ATRNL1: variants seen among roughly 807,000 people sequenced by gnomAD.
ATRNL1 encodes attractin-like protein 1.
Under a neutral mutation model 182.7 loss-of-function variants are expected in ATRNL1, and 95 were observed. That is an observed-to-expected ratio of 0.52 (90% CI 0.44 to 0.62). The LOEUF (loss-of-function observed/expected upper bound fraction) is 0.62, where lower values mean the gene tolerates loss of function less well. Ranked by LOEUF, ATRNL1 falls within the 20% of genes least tolerant of loss-of-function variation. The pLI is 0.00. For synonymous variants in ATRNL1, 576 were observed against 568.3 expected (o/e 1.01, Z -0.19); for missense variants, 1,471 against 1,679.5 (o/e 0.88, Z 2.17).
Position 115,103,281 on chromosome 10 carries a change from C to T in ATRNL1, c.293+9238C>T, listed in dbSNP as rs192308554. 1.6e-3 allele frequency among the ~76,000 whole-genome samples: 237 copies of T among 152,130 alleles called. 2 individuals carry two copies. Among genetic ancestry groups the T allele is most frequent in the African/African-American group, 5.4e-3 (225 of 41,522 alleles). On this transcript the variant is annotated intron_variant, in intron 1 of 28. Transcript: ENST00000355044. Reference sequence around the variant, plus strand: ...CTCGAACTTCTGACCTCAGGCAATCCGCCTGCCTCAGCCTCCCAAAGTGCT... The same window carrying T: ...CTCGAACTTCTGACCTCAGGCAATCTGCCTGCCTCAGCCTCCCAAAGTGCT...
At chr10:115,714,401 G>T (rs1010412156) in intron 26 of ATRNL1, among the ~76,000 whole-genome samples, 2 of 151,742 alleles carry the variant, frequency 1.3e-5, no homozygotes, top group South Asian at 2.1e-4. Flanking sequence ...TGACTCCCAG[G>T]TACCACCCTA....
Position 115,160,296 on chromosome 10 carries a change from A to G in ATRNL1, c.1004+82A>G. On this transcript the variant is annotated intron_variant, in intron 6 of 28. Coordinates refer to ENST00000355044, the MANE Select transcript of ATRNL1 (RefSeq NM_207303.4). ...GTCTTTTTTTTTTAATTGTTGTCCG[A>G]GAGTAAAAGTGGTTATTTTTGTGGT... The G allele has an allele frequency of 3.0e-6, 4 of 1,339,718 alleles. No individual in the cohort carries two copies. The South Asian group carries it at 5.6e-5, about 19-fold the overall frequency. The allele number at this position is 1,339,718 out of a possible 1,614,324, so 83.0% of individuals were successfully genotyped here. A position where few individuals can be genotyped will look rare whatever the true frequency, so the allele number is the denominator to read the frequency against.
intron 27 of ATRNL1, among the ~76,000 whole-genome samples, chr10:115,777,982 T>C (rs1464856515): frequency 1.3e-5 from 2 of 151,730 alleles, no homozygotes; most frequent in Non-Finnish European, 2.9e-5. Context: ...AAGAAACTTA[T>C]TGCGAACTTG....
intron 24 of ATRNL1, among the ~76,000 whole-genome samples, chr10:115,502,825 T>A (rs1419804602): frequency 1.3e-5 from 2 of 152,130 alleles, no homozygotes; most frequent in African/African-American, 4.8e-5. Context: ...CAAATCACCA[T>A]GGCACGTGTA....
Position 115,840,557 on chromosome 10 carries a change from C to T in ATRNL1, c.3904-7320C>T, listed in dbSNP as rs147540816. Among the ~76,000 whole-genome samples, 788 of 152,150 alleles carry T rather than the reference C, an allele frequency of 5.2e-3. 1 individual carries two copies. Among genetic ancestry groups the T allele is most frequent in the Non-Finnish European group, 8.1e-3 (554 of 67,992 alleles). ...TACTTTACAGATGAAGAACTTGAGG[C>T]ACAGGGAGGTTAAGTGCTTTAACCA... On this transcript the variant is annotated intron_variant, in intron 27 of 28. Coordinates refer to ENST00000355044, the MANE Select transcript of ATRNL1 (RefSeq NM_207303.4).
At chr10:115,183,732 T>C (rs1428161965) in intron 8 of ATRNL1, among the ~76,000 whole-genome samples, 1 of 151,436 alleles carries the variant, frequency 6.6e-6, no homozygotes, top group East Asian at 1.9e-4. Context: ...AGCAAAATCT[T>C]AATAGCTGGA....
rs1430065200 is a variant in ATRNL1 at position 115,315,550 on chromosome 10, C to G, written c.2851C>G (p.Gln951Glu). ...TTGTTCTGGATTGAGAACCTGTGGACAGTGTTTGGAACAGCCTGGATGTGG... is the reference window on the plus strand; with the variant it reads ...TTGTTCTGGATTGAGAACCTGTGGAGAGTGTTTGGAACAGCCTGGATGTGG... ...QNCSGLRTCGQCLEQPGCGWC... is the reference protein window; with the variant it reads ...QNCSGLRTCGECLEQPGCGWC... Residue 951 changes from glutamine (Q) to glutamate (E), a missense_variant, in exon 18 of 29, where the codon CAG becomes GAG. Around this residue, in one of 3 missense-constraint regions of ATRNL1, gnomAD observed 3 missense variants for 17.5 expected, o/e 0.17. Coordinates refer to ENST00000355044, the MANE Select transcript of ATRNL1 (RefSeq NM_207303.4). The G allele has an allele frequency of 6.2e-7, 1 of 1,613,278 alleles. No individual in the cohort carries two copies. The highest frequency in any genetic ancestry group is 1.3e-5 in the African/African-American group (1 of 74,834).
At position 115,815,439 on chromosome 10, in the gene ATRNL1, G is replaced by GTGTA. The variant is rs1229005064; in HGVS notation, c.3904-32435_3904-32434insATGT. 3.3e-5 allele frequency among the ~76,000 whole-genome samples: 5 copies of GTGTA among 151,258 alleles called. No individual in the cohort carries two copies. In the East Asian group the frequency reaches 9.8e-4, roughly 29 times the overall value. On this transcript the variant is annotated intron_variant, in intron 27 of 28. Transcript: ENST00000355044. ...TATGTGTGTGTGTGTGTGTGTGTGT[G>GTGTA]TGTGTGTGTGTGTATTGTAATATAG...
At chr10:115,745,982 T>G (rs1430553369) in intron 27 of ATRNL1, among the ~76,000 whole-genome samples, 2 of 152,122 alleles carry the variant, frequency 1.3e-5, no homozygotes, top group African/African-American at 4.8e-5. Flanking sequence ...GTTGTATATT[T>G]CCAGTTCTTA....
At chr10:115,098,453 C>CTTTTT (rs71010006) in intron 1 of ATRNL1, among the ~76,000 whole-genome samples, 1 of 80,752 alleles carries the variant, frequency 1.2e-5, no homozygotes, top group African/African-American at 6.2e-5. Context: ...ATACTAGTTT[C>CTTTTT]TTTTTTTTTT....
At chr10:115,823,319 A>T (rs144068186) in intron 27 of ATRNL1, among the ~76,000 whole-genome samples, 2,471 of 152,192 alleles carry the variant, frequency 0.016, 82 homozygotes, top group African/African-American at 0.057. Flanking sequence ...ACAGCCAATA[A>T]CATACTGAAT....
intron 3 of ATRNL1, among the ~76,000 whole-genome samples, chr10:115,127,272 A>G (rs1385092887): frequency 6.6e-6 from 1 of 152,162 alleles, no homozygotes; most frequent in Non-Finnish European, 1.5e-5. Context: ...ATATGAATTA[A>G]GTGGAAGACT....
At position 115,615,401 on chromosome 10, in the gene ATRNL1, CT is replaced by C. The variant is rs57644665; in HGVS notation, c.3795+65874del. 6.6e-5 allele frequency among the ~76,000 whole-genome samples: 10 copies of C among 151,488 alleles called. 1 individual carries two copies. Among genetic ancestry groups the C allele is most frequent in the African/African-American group, 9.7e-5 (4 of 41,300 alleles). On this transcript the variant is annotated intron_variant, in intron 26 of 28. Transcript: ENST00000355044. ...CAGTTATAATATTCTTGGTTGAACA[CT>C]TTTTTTTTCTTTTCTTCTGGCAGTT...
At chr10:115,773,928 T>C (rs1555077144) in intron 27 of ATRNL1, among the ~76,000 whole-genome samples, 1 of 152,166 alleles carries the variant, frequency 6.6e-6, no homozygotes, top group East Asian at 1.9e-4. Flanking sequence ...TGGGAAAGTA[T>C]AGGATTTATG....
At chr10:115,573,169 G>A (rs1398347093) in intron 26 of ATRNL1, among the ~76,000 whole-genome samples, 1 of 152,164 alleles carries the variant, frequency 6.6e-6, no homozygotes, top group African/African-American at 2.4e-5. Flanking sequence ...GTGAGTGCAA[G>A]GTTTTATTGA....
intron 28 of ATRNL1, among the ~76,000 whole-genome samples, chr10:115,936,035 T>G (rs1953546083): frequency 6.6e-6 from 1 of 152,250 alleles, no homozygotes; most frequent in South Asian, 2.1e-4. Context: ...CTGTTTGTCT[T>G]TGAATCTATC....
intron 26 of ATRNL1, among the ~76,000 whole-genome samples, chr10:115,724,625 A>G (rs1224098193): frequency 1.3e-5 from 2 of 152,146 alleles, no homozygotes; most frequent in African/African-American, 2.4e-5. Context: ...ATTGCTGGTA[A>G]GTTCAACAGC....
chr10:115,561,231 G>A lies in ATRNL1; in HGVS notation c.3795+11695G>A, dbSNP rs138428709. On this transcript the variant is annotated intron_variant, in intron 26 of 28. Transcript: ENST00000355044. ...ACCTCCAGAATGGGAGAACACTTTTGCATATCATATATCTGATAAGATATT... is the reference window on the plus strand; with the variant it reads ...ACCTCCAGAATGGGAGAACACTTTTACATATCATATATCTGATAAGATATT... Among the ~76,000 whole-genome samples the A allele has an allele frequency of 3.9e-3, 599 of 152,258 alleles. 6 individuals are homozygous for A. Among genetic ancestry groups the A allele is most frequent in the African/African-American group, 0.014 (585 of 41,560 alleles).
At chr10:115,103,365 T>A (rs782696664) in intron 1 of ATRNL1, among the ~76,000 whole-genome samples, 2 of 152,154 alleles carry the variant, frequency 1.3e-5, no homozygotes, top group Non-Finnish European at 1.5e-5. Context: ...TACCAAAATA[T>A]TTTATGTTCT....
Sources: gnomAD v4.1 joint callset for allele counts (sites outside exome capture counted in the v4.1 genomes callset) on GRCh38, gnomAD v4.1.1 for gene constraint, gnomAD v4.1.1 regional missense constraint, MANE v1.5 for transcripts, NCBI Gene and HGNC (gene_info 2026-07-23, HGNC 2026-07-21) for gene names.